Variants in NELL1 observed in about 807,000 individuals in gnomAD.
NELL1 encodes the protein protein kinase C-binding protein NELL1.
Under a neutral mutation model 107.4 loss-of-function variants are expected in NELL1, and 76 were observed. The ratio of observed to expected loss-of-function variants is 0.71; its 90% CI spans 0.59 to 0.86. NELL1 has a LOEUF of 0.86. Ranked by LOEUF, NELL1 falls within the 40% of genes least tolerant of loss-of-function variation. The probability of loss-of-function intolerance (pLI) is 0.00; values close to 1 mark genes in which losing one functional copy is unlikely to be tolerated. For synonymous variants in NELL1, 353 were observed against 341.2 expected (o/e 1.03, Z -0.38); for missense variants, 1,024 against 1,005.5 (o/e 1.02, Z -0.25).
chr11:21,194,319 C>A (rs1414222443), intron 13 of NELL1, among the ~76,000 whole-genome samples: 2 of 152,120 alleles, frequency 1.3e-5, no homozygotes, highest in Non-Finnish European at 2.9e-5. Flanking sequence ...TGGCTTCTGA[C>A]TGGAATGGGC....
chr11:21,447,892 C>A (rs933419925), intron 15 of NELL1, among the ~76,000 whole-genome samples: 1 of 152,160 alleles, frequency 6.6e-6, no homozygotes, highest in Non-Finnish European at 1.5e-5. Context: ...AGTGCCAGTG[C>A]TTCCCAGTTC....
intron 14 of NELL1, among the ~76,000 whole-genome samples, chr11:21,273,714 ACT>A (rs1329397197): frequency 4.6e-5 from 7 of 152,218 alleles, no homozygotes. Context: ...CTCGGCAGAA[ACT>A]CTACAAGCCA....
chr11:21,409,109 C>T (rs1426538311), intron 15 of NELL1, among the ~76,000 whole-genome samples: 1 of 152,096 alleles, frequency 6.6e-6, no homozygotes, highest in Non-Finnish European at 1.5e-5. Context: ...ATAAATCATG[C>T]TGCTATAAAG....
intron 12 of NELL1, among the ~76,000 whole-genome samples, chr11:21,065,055 A>G (rs1853835421): frequency 1.3e-5 from 2 of 152,114 alleles, no homozygotes; most frequent in South Asian, 4.1e-4. Flanking sequence ...CTTAATATTG[A>G]TTATGTCTGA....
intron 3 of NELL1, among the ~76,000 whole-genome samples, chr11:20,792,505 T>G (rs1238628370): frequency 6.6e-6 from 1 of 152,020 alleles, no homozygotes; most frequent in Non-Finnish European, 1.5e-5. Context: ...TGTCTTTATC[T>G]ATCTAGTCAT....
At chr11:20,691,689 T>C (rs1407131533) in intron 2 of NELL1, among the ~76,000 whole-genome samples, 4 of 151,932 alleles carry the variant, frequency 2.6e-5, no homozygotes, top group African/African-American at 7.3e-5. Context: ...GGTTTGCCAG[T>C]ATTTTATTGA....
In NELL1 at chr11:20,906,407, G is replaced by T. The variant is rs1012253686; in HGVS notation, c.604-11775G>T. ...GACCAGATGGCTTCACTGGTGAATT[G>T]CAACAAACATTCAAACAAGAATGAA... On this transcript the variant is annotated intron_variant, in intron 5 of 19. Coordinates refer to ENST00000357134, the MANE Select transcript of NELL1 (RefSeq NM_006157.5). Among the ~76,000 whole-genome samples, 6 of 152,166 alleles carry T rather than the reference G, an allele frequency of 3.9e-5. No individual in the cohort carries two copies. In the Middle Eastern group the frequency reaches 0.01, roughly 259 times the overall value.
chr11:20,811,371 G>A (rs1857498597), intron 3 of NELL1, among the ~76,000 whole-genome samples: 1 of 152,004 alleles, frequency 6.6e-6, no homozygotes, highest in South Asian at 2.1e-4. Flanking sequence ...TTTGAAGTGA[G>A]GTAGTGTGAT....
intron 15 of NELL1, among the ~76,000 whole-genome samples, chr11:21,382,762 C>T (rs1381359073): frequency 1.3e-5 from 2 of 151,888 alleles, no homozygotes; most frequent in African/African-American, 2.4e-5. Flanking sequence ...ATTACCTTGC[C>T]TATTTAGTAA....
At chr11:20,792,913 G>C (rs1277732238) in intron 3 of NELL1, among the ~76,000 whole-genome samples, 4 of 151,902 alleles carry the variant, frequency 2.6e-5, no homozygotes, top group Non-Finnish European at 5.9e-5. Context: ...CTGTGTATTT[G>C]AGTTAATTCA....
chr11:20,927,232 T>G (rs1590424979), intron 7 of NELL1, 76 bp from the exon 8 acceptor site: 14 of 1,392,272 alleles, frequency 1.0e-5, no homozygotes, highest in African/African-American at 5.8e-5. Flanking sequence ...AAGGATTTTT[T>G]TTCTTGTTGC....
intron 14 of NELL1, among the ~76,000 whole-genome samples, chr11:21,295,188 C>T (rs1242108510): frequency 6.6e-6 from 1 of 152,078 alleles, no homozygotes; most frequent in Non-Finnish European, 1.5e-5. Flanking sequence ...CAGACCAGCT[C>T]ACTGACTTGC....
At chr11:21,264,071 GGT>G (rs10525326) in intron 14 of NELL1, among the ~76,000 whole-genome samples, 109 of 139,522 alleles carry the variant, frequency 7.8e-4, no homozygotes, top group African/African-American at 2.5e-3. Context: ...TCTACAATGG[GGT>G]GTGTGTGTGT....
intron 14 of NELL1, among the ~76,000 whole-genome samples, chr11:21,255,737 T>C (rs574792230): frequency 2.0e-4 from 31 of 152,132 alleles, no homozygotes; most frequent in African/African-American, 7.5e-4. Flanking sequence ...AAAAATAAAG[T>C]TTCAGACATA....
chr11:21,544,822 C>A (rs886643429), intron 16 of NELL1, among the ~76,000 whole-genome samples: 2 of 151,418 alleles, frequency 1.3e-5, no homozygotes, highest in African/African-American at 4.8e-5. Flanking sequence ...AATTCCTATT[C>A]TAGGAATTTA....
At chr11:21,164,653 C>A (rs1856442822) in intron 13 of NELL1, among the ~76,000 whole-genome samples, 1 of 152,108 alleles carries the variant, frequency 6.6e-6, no homozygotes, top group Non-Finnish European at 1.5e-5. Flanking sequence ...GTTGTTTTGG[C>A]TTTTAAAAAT....
At chr11:20,836,587 C>G (rs958593519) in intron 3 of NELL1, among the ~76,000 whole-genome samples, 1 of 151,128 alleles carries the variant, frequency 6.6e-6, no homozygotes, top group African/African-American at 2.4e-5. Flanking sequence ...AAAAAAACAA[C>G]GCATGATTAA....
At chr11:20,815,346 A>G (rs1857601346) in intron 3 of NELL1, among the ~76,000 whole-genome samples, 1 of 152,046 alleles carries the variant, frequency 6.6e-6, no homozygotes, top group Non-Finnish European at 1.5e-5. Flanking sequence ...TCAGCCTCCC[A>G]AAGTGCTGGG....
At chr11:20,756,448 C>T (rs1475969946) in intron 2 of NELL1, among the ~76,000 whole-genome samples, 3 of 151,850 alleles carry the variant, frequency 2.0e-5, no homozygotes, top group Non-Finnish European at 2.9e-5. Context: ...ACGCCATTCT[C>T]CTGCCTCAGC....
Sources: allele counts gnomAD v4.1 joint callset (sites outside exome capture counted in the v4.1 genomes callset), GRCh38; gene constraint gnomAD v4.1.1; transcripts MANE v1.5; gene names NCBI Gene and HGNC (gene_info 2026-07-23, HGNC 2026-07-21).